RIMS2: variants seen among roughly 807,000 people sequenced by gnomAD.
RIMS2 encodes regulating synaptic membrane exocytosis 2.
A neutral mutation model predicts 174.4 loss-of-function variants in RIMS2; 59 were observed. The observed-to-expected ratio is 0.34, with a 90% CI of 0.27 to 0.42. RIMS2 has a LOEUF of 0.42. Ranked by LOEUF, RIMS2 falls within the 10% of genes least tolerant of loss-of-function variation. RIMS2 has a pLI of 1.00. For missense variants in RIMS2, 1,620 were observed against 1,666.3 expected, an observed-to-expected ratio of 0.97 and a Z score of 0.48; for synonymous variants, 606 against 572.5, an observed-to-expected ratio of 1.06 and a Z score of -0.84.
intron 1 of RIMS2, among the ~76,000 whole-genome samples, chr8:103,631,633 G>A (rs2095924125): frequency 6.6e-6 from 1 of 152,114 alleles, no homozygotes; most frequent in African/African-American, 2.4e-5. Flanking sequence ...GGTTCCATGT[G>A]AATTTTAAAA....
At chr8:103,883,384 A>G (rs1191736607) in intron 3 of RIMS2, among the ~76,000 whole-genome samples, 1 of 151,766 alleles carries the variant, frequency 6.6e-6, no homozygotes, top group African/African-American at 2.4e-5. Context: ...AGTCAAATGT[A>G]TAAAAGTAAT....
At chr8:104,112,871 A>G (rs147250377) in intron 19 of RIMS2, among the ~76,000 whole-genome samples, 1 of 152,330 alleles carries the variant, frequency 6.6e-6, no homozygotes, top group Non-Finnish European at 1.5e-5. Flanking sequence ...GCAGTTTTTC[A>G]TTAAAACTAC....
At chr8:103,593,483 T>C (rs1257296341) in intron 1 of RIMS2, among the ~76,000 whole-genome samples, 1 of 151,448 alleles carries the variant, frequency 6.6e-6, no homozygotes, top group African/African-American at 2.4e-5. Flanking sequence ...TGATTTTTGG[T>C]ATAGCATATA....
chr8:103,951,410 C>G (rs954507490), intron 14 of RIMS2, among the ~76,000 whole-genome samples: 1 of 152,172 alleles, frequency 6.6e-6, no homozygotes. Flanking sequence ...ACTGAGGTAC[C>G]CAGTTCATCT....
At position 104,020,184 on chromosome 8, in the gene RIMS2, G is replaced by A. The variant is rs114867481; in HGVS notation, c.3334+5569G>A. The stretch of plus-strand genomic sequence containing the variant: ...AGTGTCATGTTTAGTGCATGGATTT[G>A]TTTCCCTATTGTGTGATTTCATCTT... On this transcript the variant is annotated intron_variant, in intron 19 of 23. Coordinates refer to ENST00000504942, the Ensembl canonical transcript of RIMS2. Among the ~76,000 whole-genome samples the A allele has an allele frequency of 1.8e-3, 266 of 151,782 alleles. 1 individual carries two copies. The highest frequency in any genetic ancestry group is 6.3e-3 in the African/African-American group (263 of 41,448).
rs74409666 is a variant in RIMS2 at position 103,595,627 on chromosome 8, G to A, written c.176+94565G>A. Among the ~76,000 whole-genome samples the A allele has an allele frequency of 1.9e-3, 295 of 151,962 alleles. 2 individuals are homozygous for A. Among genetic ancestry groups the A allele is most frequent in the African/African-American group, 6.9e-3 (286 of 41,502 alleles). On this transcript the variant is annotated intron_variant, in intron 1 of 23. Transcript: ENST00000504942. ...TCATTTGGATTTGTGCTTAGACATGGCAAACTTCAAATTTAGGAACTGCAG... is the reference window on the plus strand; with the variant it reads ...TCATTTGGATTTGTGCTTAGACATGACAAACTTCAAATTTAGGAACTGCAG...
chr8:103,701,683 G>A (rs780678723), intron 2 of RIMS2, among the ~76,000 whole-genome samples: 1 of 151,892 alleles, frequency 6.6e-6, no homozygotes, highest in Non-Finnish European at 1.5e-5. Flanking sequence ...AGAACATGTG[G>A]TATTTGTCTT....
intron 19 of RIMS2, among the ~76,000 whole-genome samples, chr8:104,144,477 G>A (rs745444786): frequency 3.3e-5 from 5 of 152,078 alleles, no homozygotes; most frequent in Non-Finnish European, 5.9e-5. Flanking sequence ...AAAAGAAGAA[G>A]CGATGTTGGA....
At chr8:103,646,781 A>G (rs1203231882) in intron 1 of RIMS2, among the ~76,000 whole-genome samples, 1 of 152,214 alleles carries the variant, frequency 6.6e-6, no homozygotes, top group Non-Finnish European at 1.5e-5. Flanking sequence ...ATCTGCAAAC[A>G]GAGATAATTT....
intron 3 of RIMS2, among the ~76,000 whole-genome samples, chr8:103,783,248 G>A (rs946282003): frequency 6.6e-5 from 10 of 150,936 alleles, no homozygotes; most frequent in African/African-American, 2.4e-4. Flanking sequence ...CCTTAGCATA[G>A]CAGTTTGTTT....
In RIMS2 at chr8:104,175,314, T is replaced by C; in HGVS notation, c.3335-69602T>C. ...GTTAACTTTAAAAAATTTTTTTGTG[T>C]ATATATTTTTATTGTAGGTGTATAT... On this transcript the variant is annotated intron_variant, in intron 19 of 23. Coordinates refer to ENST00000504942, the Ensembl canonical transcript of RIMS2. 2.6e-5 allele frequency among the ~76,000 whole-genome samples: 4 copies of C among 152,270 alleles called. 1 individual carries two copies. The Middle Eastern group carries it at 0.01, about 388-fold the overall frequency.
intron 9 of RIMS2, chr8:103,920,755 C>G (rs1408645010): frequency 2.2e-6 from 1 of 452,040 alleles, no homozygotes; most frequent in Non-Finnish European, 4.4e-6. Context: ...TTTGGGAGGC[C>G]GAGGCGGGCG....
intron 16 of RIMS2, among the ~76,000 whole-genome samples, chr8:103,981,863 T>G (rs1245527994): frequency 6.6e-6 from 1 of 151,798 alleles, no homozygotes; most frequent in Non-Finnish European, 1.5e-5. Flanking sequence ...TAAAAAACAG[T>G]GAAGCACACC....
rs563710695 is a variant in RIMS2 at position 104,096,883 on chromosome 8, A to AG, written c.3334+82268_3334+82269insG. On this transcript the variant is annotated intron_variant, in intron 19 of 23. Transcript: ENST00000504942. ...CTCCATCCGCCCCCCACCAAAAAAAAAAAAAGAAAAAGAAAAAGAAAATGT... is the reference window on the plus strand; with the variant it reads ...CTCCATCCGCCCCCCACCAAAAAAAAGAAAAAGAAAAAGAAAAAGAAAATGT... Among the ~76,000 whole-genome samples the AG allele has an allele frequency of 1.4e-3, 208 of 151,984 alleles. 1 individual carries two copies. The highest frequency in any genetic ancestry group is 4.9e-3 in the African/African-American group (205 of 41,478).
chr8:103,800,050 A>G (rs2098595533), intron 3 of RIMS2, among the ~76,000 whole-genome samples: 1 of 152,090 alleles, frequency 6.6e-6, no homozygotes, highest in African/African-American at 2.4e-5. Flanking sequence ...TTATTTCCCC[A>G]TATGGTGAGC....
chr8:103,989,321 G>C lies in RIMS2; in HGVS notation c.2944G>C (p.Gly982Arg). The change falls in exon 17 of 24, where the codon GGG (glycine) becomes CGG (arginine). Residue 982 changes from glycine (G) to arginine (R), a missense_variant. Gly to Arg is a moderately radical substitution (Grantham distance 125). Coordinates refer to ENST00000504942, the Ensembl canonical transcript of RIMS2. The stretch of plus-strand genomic sequence containing the variant: ...TTGTTTTAGTCGGAATGTGGAACAG[G>C]GGCTTCGAGGGACCCGCACTATGAC... 1 of 1,609,034 alleles carries C rather than the reference G, an allele frequency of 6.2e-7. No individual in the cohort carries two copies. Among genetic ancestry groups the C allele is most frequent in the Middle Eastern group, 1.7e-4 (1 of 6,056 alleles).
At chr8:104,093,120 A>AT (rs1008307592) in intron 19 of RIMS2, among the ~76,000 whole-genome samples, 5 of 152,018 alleles carry the variant, frequency 3.3e-5, no homozygotes, top group African/African-American at 1.2e-4. Context: ...GGCTACTAGA[A>AT]TTTATTAAAA....
At chr8:104,139,595 T>A (rs1434460556) in intron 19 of RIMS2, among the ~76,000 whole-genome samples, 1 of 152,242 alleles carries the variant, frequency 6.6e-6, no homozygotes, top group Non-Finnish European at 1.5e-5. Context: ...GCTACTGATT[T>A]TTGTATGTCA....
intron 19 of RIMS2, among the ~76,000 whole-genome samples, chr8:104,022,461 CA>C (rs1392807269): frequency 5.3e-5 from 8 of 152,088 alleles, no homozygotes; most frequent in African/African-American, 1.9e-4. Context: ...CAGCTCACTG[CA>C]ACCTCCCCCT....
Sources: allele counts gnomAD v4.1 joint callset (sites outside exome capture counted in the v4.1 genomes callset), GRCh38; gene constraint gnomAD v4.1.1; transcripts MANE v1.5; gene names NCBI Gene and HGNC (gene_info 2026-07-23, HGNC 2026-07-21).